MAP3K20: variants seen among roughly 807,000 people sequenced by gnomAD.
MAP3K20 encodes the protein mitogen-activated protein kinase kinase kinase 20.
MAP3K20 carries 40 observed loss-of-function variants against 85.7 expected under a neutral mutation model. The ratio of observed to expected loss-of-function variants is 0.47; its 90% confidence interval spans 0.36 to 0.61. The LOEUF (loss-of-function observed/expected upper bound fraction) is 0.61, where lower values mean the gene tolerates loss of function less well. Among genes scored for constraint, MAP3K20 ranks in the 20% least tolerant of loss-of-function variants. The probability of loss-of-function intolerance (pLI) is 0.00; values close to 1 mark genes in which losing one functional copy is unlikely to be tolerated. For synonymous variants in MAP3K20, 325 were observed against 327.7 expected (o/e 0.99, Z 0.09); for missense variants, 817 against 961.7 (o/e 0.85, Z 1.99).
rs577404732 is a variant in MAP3K20 at position 173,162,599 on chromosome 2, T to A, written c.160-7206T>A. Among the ~76,000 whole-genome samples the A allele has an allele frequency of 6.7e-5, 10 of 150,244 alleles. No individual in the cohort carries two copies. In the South Asian group the frequency reaches 2.1e-3, roughly 31 times the overall value. On this transcript the variant is annotated intron_variant, in intron 2 of 19. Coordinates refer to ENST00000375213, the MANE Select transcript of MAP3K20 (RefSeq NM_016653.3). ...TACTCAGGAGGCTGAGGCAGGAGAATCGCTTGAACCCAGGAGGCGGAGGTT... is the reference window on the plus strand; with the variant it reads ...TACTCAGGAGGCTGAGGCAGGAGAAACGCTTGAACCCAGGAGGCGGAGGTT...
At position 173,263,735 on chromosome 2, in the gene MAP3K20, G is replaced by A. The variant is rs117458678; in HGVS notation, c.1552-10G>A. The A allele has an allele frequency of 2.9e-4, 467 of 1,600,276 alleles. 6 individuals carry two copies. In the East Asian group the frequency reaches 9.1e-3, roughly 31 times the overall value. On this transcript the variant is annotated splice_polypyrimidine_tract_variant and intron_variant, in intron 18 of 19. Transcript: ENST00000375213. ...TTTTTTTTGTCTTTTTCGTTTGTTTGTTTTACCAGAGTGATGTTAGAACTC... is the reference window on the plus strand; with the variant it reads ...TTTTTTTTGTCTTTTTCGTTTGTTTATTTTACCAGAGTGATGTTAGAACTC...
intron 2 of MAP3K20, among the ~76,000 whole-genome samples, chr2:173,138,116 C>T (rs1559247720): frequency 6.6e-6 from 1 of 151,922 alleles, no homozygotes; most frequent in Admixed American, 6.6e-5. Flanking sequence ...TACAGGCGCC[C>T]GCCACCCAAC....
At chr2:173,157,335 T>C (rs1285201579) in intron 2 of MAP3K20, among the ~76,000 whole-genome samples, 3 of 151,776 alleles carry the variant, frequency 2.0e-5, no homozygotes, top group African/African-American at 7.3e-5. Flanking sequence ...TTTTTTTTTT[T>C]TTGCAATTAA....
chr2:173,243,791 T>C (rs1306961246), intron 16 of MAP3K20, among the ~76,000 whole-genome samples: 1 of 152,040 alleles, frequency 6.6e-6, no homozygotes, highest in Non-Finnish European at 1.5e-5. Context: ...GCCCGGCTAA[T>C]TTTTGGTATT....
chr2:173,258,831 C>T lies in MAP3K20; in HGVS notation c.1476+16C>T, dbSNP rs773812405. ...GATGACAAAGGTAGGGTTCTATTTA[C>T]GGCTTAAAAGCTCTTTTGAATTCAC... On this transcript the variant is annotated intron_variant, in intron 17 of 19. Transcript: ENST00000375213. The T allele has an allele frequency of 2.8e-5, 42 of 1,491,792 alleles. No homozygotes were observed. The highest frequency in any genetic ancestry group is 2.6e-4 in the African/African-American group (19 of 72,304). 92.4% of individuals were successfully genotyped at this position (1,491,792 alleles called of 1,614,324 possible).
chr2:173,123,310 T>G (rs1343968933), intron 2 of MAP3K20, among the ~76,000 whole-genome samples: 10 of 142,254 alleles, frequency 7.0e-5, no homozygotes, highest in Admixed American at 2.7e-4. Context: ...CCCAGCATTC[T>G]TTATCTAACA....
chr2:173,226,870 C>T, intron 11 of MAP3K20: 1 of 984,564 alleles, frequency 1.0e-6, no homozygotes, highest in Non-Finnish European at 1.2e-6. Context: ...GTTTTTTTAA[C>T]AAAAACTTTT....
intron 2 of MAP3K20, among the ~76,000 whole-genome samples, chr2:173,159,531 A>G (rs558025627): frequency 1.3e-5 from 2 of 152,080 alleles, no homozygotes; most frequent in East Asian, 3.9e-4. Flanking sequence ...CTGGGACTAC[A>G]GGCACATGCC....
intron 11 of MAP3K20, among the ~76,000 whole-genome samples, chr2:173,218,197 C>CT (rs1436806950): frequency 6.6e-6 from 1 of 152,176 alleles, no homozygotes; most frequent in African/African-American, 2.4e-5. Flanking sequence ...CTTTAAAAGT[C>CT]TTAATCTTCA....
chr2:173,088,194 CAG>C (rs1451915081), intron 1 of MAP3K20, among the ~76,000 whole-genome samples: 3 of 152,116 alleles, frequency 2.0e-5, no homozygotes, highest in African/African-American at 7.2e-5. Context: ...AAAGCAAAAA[CAG>C]GGCAACTGAT....
intron 10 of MAP3K20, among the ~76,000 whole-genome samples, 176 bp from the exon 11 acceptor site, chr2:173,216,939 T>G (rs546014426): frequency 2.6e-5 from 4 of 152,234 alleles, no homozygotes; most frequent in Admixed American, 6.5e-5. Flanking sequence ...TTTTCCAAGC[T>G]AGAAACTACC....
chr2:173,261,758 T>TAAA (rs1685299985), intron 18 of MAP3K20, among the ~76,000 whole-genome samples: 1 of 152,176 alleles, frequency 6.6e-6, no homozygotes, highest in Non-Finnish European at 1.5e-5. Flanking sequence ...GGCTCACACC[T>TAAA]GTAATCTCAG....
chr2:173,096,742 G>A (rs569856536), intron 2 of MAP3K20, among the ~76,000 whole-genome samples: 6 of 152,224 alleles, frequency 3.9e-5, no homozygotes, highest in South Asian at 2.1e-4. Context: ...CTTTCATATC[G>A]CTTTTCCATA....
chr2:173,164,717 T>A (rs1689764561), intron 2 of MAP3K20, among the ~76,000 whole-genome samples: 1 of 152,202 alleles, frequency 6.6e-6, no homozygotes, highest in African/African-American at 2.4e-5. Context: ...GATGGAGATA[T>A]TTTTTAACTG....
chr2:173,215,288 T>A (rs549445266), intron 10 of MAP3K20, among the ~76,000 whole-genome samples: 1 of 152,296 alleles, frequency 6.6e-6, no homozygotes, highest in African/African-American at 2.4e-5. Context: ...CTCCACCACC[T>A]CCTTGCTGCC....
rs1574146558 is a variant in MAP3K20 at position 173,238,236 on chromosome 2, A to G, written c.1204-137A>G. ...CTTTGGACAATGAGATTTATTCTAA[A>G]TAGACGTTGGATATAAATGCCCCCA... On this transcript the variant is annotated intron_variant, in intron 14 of 19. Transcript: ENST00000375213. 2.8e-5 allele frequency: 20 copies of G among 708,456 alleles called. No homozygotes were observed. The East Asian group carries it at 4.4e-4, about 16-fold the overall frequency. 43.9% of individuals were successfully genotyped at this position (708,456 alleles called of 1,614,324 possible). A position where few individuals can be genotyped will look rare whatever the true frequency, so the allele number is the denominator to read the frequency against.
intron 2 of MAP3K20, among the ~76,000 whole-genome samples, chr2:173,123,498 C>A (rs1688356393): frequency 6.6e-6 from 1 of 152,158 alleles, no homozygotes; most frequent in Admixed American, 6.5e-5. Context: ...TGAGCATCCC[C>A]TTATAAAGAC....
chr2:173,133,957 C>T (rs1688692665), intron 2 of MAP3K20, among the ~76,000 whole-genome samples: 1 of 150,582 alleles, frequency 6.6e-6, no homozygotes, highest in Admixed American at 6.6e-5. Context: ...CACCACTGCC[C>T]TCCAGCCTGG....
Position 173,075,989 on chromosome 2 carries a change from C to T in MAP3K20, c.-48C>T. 1 of 984,918 alleles carries T rather than the reference C, an allele frequency of 1.0e-6. No individual in the cohort carries two copies. The highest frequency in any genetic ancestry group is 1.2e-6 in the Non-Finnish European group (1 of 829,736). 61.0% of individuals were successfully genotyped at this position (984,918 alleles called of 1,614,324 possible). Reference sequence around the variant, plus strand: ...GCGCCCCCGGCTGCTGCTCACGCCCCGCCCGGGAGCCAGGTAGGGGTCAGG... The same window carrying T: ...GCGCCCCCGGCTGCTGCTCACGCCCTGCCCGGGAGCCAGGTAGGGGTCAGG... On this transcript the variant is annotated 5_prime_UTR_variant, in exon 1 of 20. Coordinates refer to ENST00000375213, the MANE Select transcript of MAP3K20 (RefSeq NM_016653.3).
Sources: allele counts gnomAD v4.1 joint callset (sites outside exome capture counted in the v4.1 genomes callset), GRCh38; gene constraint gnomAD v4.1.1; transcripts MANE v1.5; gene names NCBI Gene and HGNC (gene_info 2026-07-23, HGNC 2026-07-21).